Variants in DNAJC13 observed in about 807,000 individuals in gnomAD.
DNAJC13 encodes DnaJ heat shock protein family (Hsp40) member C13.
DNAJC13 carries 75 observed loss-of-function variants against 290.5 expected under a neutral mutation model. The ratio of observed to expected loss-of-function variants is 0.26; its 90% CI spans 0.21 to 0.31. DNAJC13 has a LOEUF of 0.31. Ranked by LOEUF, DNAJC13 falls within the 10% of genes least tolerant of loss-of-function variation. The pLI is 1.00. For synonymous variants in DNAJC13, 862 were observed against 892.0 expected (o/e 0.97, Z 0.60); for missense variants, 2,260 against 2,674.5 (o/e 0.85, Z 3.42).
intron 5 of DNAJC13, among the ~76,000 whole-genome samples, chr3:132,448,262 A>T (rs1933317170): frequency 6.6e-6 from 1 of 152,194 alleles, no homozygotes; most frequent in South Asian, 2.1e-4. Flanking sequence ...TACTGCTGAT[A>T]GTGCATGTTG....
Position 132,456,291 on chromosome 3 carries a change from T to A in DNAJC13, c.989T>A (p.Val330Asp). 6.2e-7 allele frequency: 1 copy of A among 1,613,968 alleles called. No homozygotes were observed. Among genetic ancestry groups the A allele is most frequent in the Non-Finnish European group, 8.5e-7 (1 of 1,179,884 alleles). The change falls in exon 10 of 56, where the codon GTT becomes GAT. Residue 330 changes from valine (V) to aspartate (D), a missense_variant. This residue lies in a region of DNAJC13 where 762 missense variants were observed against 964.1 expected (regional missense o/e 0.79). Coordinates refer to ENST00000260818, the MANE Select transcript of DNAJC13 (RefSeq NM_015268.4). ...GTAAGAGCCTCTGGTAATAGAGATG[T>A]TTGTGTAAAAATGACACCAACCCAT... ...DGVRASGNRD[V>D]CVKMTPTHKG...
chr3:132,474,304 G>C (rs1934388900), intron 21 of DNAJC13: 1 of 152,112 alleles, frequency 6.6e-6, no homozygotes, highest in Admixed American at 6.5e-5. Flanking sequence ...GCAATGGCGT[G>C]ATTTTGGCTC....
intron 3 of DNAJC13, 86 bp downstream of exon 3, chr3:132,446,636 T>A (rs1274104370): frequency 2.4e-6 from 2 of 821,994 alleles, no homozygotes; most frequent in African/African-American, 3.5e-5. Context: ...CTCCCTTAAA[T>A]CAGTACTTGA....
At chr3:132,482,465 C>A in intron 27 of DNAJC13, 135 bp downstream of exon 27, 1 of 592,020 alleles carries the variant, frequency 1.7e-6, no homozygotes, top group Non-Finnish European at 2.9e-6. Flanking sequence ...CCCTGCAACT[C>A]AGTTTCCACA....
chr3:132,481,173 CCCAGAAGT>C (rs1934660560), intron 26 of DNAJC13, among the ~76,000 whole-genome samples: 1 of 152,146 alleles, frequency 6.6e-6, no homozygotes, highest in Non-Finnish European at 1.5e-5. Context: ...AGAGTTAAGA[CCCAGAAGT>C]CTATATGCTC....
chr3:132,516,288 C>A, intron 46 of DNAJC13, 134 bp from the exon 47 acceptor site: 1 of 803,636 alleles, frequency 1.2e-6, no homozygotes, highest in Non-Finnish European at 2.0e-6. Context: ...AAATACCTGT[C>A]TCACTGGTTA....
intron 45 of DNAJC13, among the ~76,000 whole-genome samples, chr3:132,513,899 T>C (rs1576513220): frequency 6.6e-6 from 1 of 152,158 alleles, no homozygotes; most frequent in East Asian, 1.9e-4. Flanking sequence ...GGTATATAGA[T>C]GGTTTATGAA....
rs530200634 is a variant in DNAJC13 at position 132,466,414 on chromosome 3, G to C, written c.2064+20G>C. ...GCAATGGTAAATATGACTGTCCCAA[G>C]TGTGCCTTTTTTAGGAGTAAGGGTA... On this transcript the variant is annotated intron_variant, in intron 19 of 55. Coordinates refer to ENST00000260818, the MANE Select transcript of DNAJC13 (RefSeq NM_015268.4). 1.9e-6 allele frequency: 3 copies of C among 1,556,164 alleles called. No homozygotes were observed. In the African/African-American group the frequency reaches 4.1e-5, roughly 21 times the overall value.
intron 2 of DNAJC13, among the ~76,000 whole-genome samples, chr3:132,443,997 C>G (rs1933162096): frequency 6.6e-6 from 1 of 152,134 alleles, no homozygotes; most frequent in Non-Finnish European, 1.5e-5. Context: ...TCAATAGGTA[C>G]ACTTTGCTCA....
rs1429419648 is a variant in DNAJC13 at position 132,490,937 on chromosome 3, A to C, written c.3509A>C (p.His1170Pro). ...QDIFQRSILG[H>P]ILPEAMVCYL... ...ATTTTTCAGAGAAGTATACTTGGGC[A>C]CATTCTACCTGAAGCAATGGTTTGT... The change falls in exon 32 of 56, where the codon CAC (histidine) becomes CCC (proline). Residue 1170 changes from histidine to proline, a missense_variant. Physicochemically the swap from His to Pro is moderately conservative, Grantham distance 77. Around this residue, in one of 3 missense-constraint regions of DNAJC13, gnomAD observed 1,494 missense variants for 1,693.7 expected, o/e 0.88. Coordinates refer to ENST00000260818, the MANE Select transcript of DNAJC13 (RefSeq NM_015268.4). The C allele has an allele frequency of 6.2e-7, 1 of 1,610,422 alleles. No homozygotes were observed. The highest frequency in any genetic ancestry group is 8.5e-7 in the Non-Finnish European group (1 of 1,178,780).
chr3:132,536,136 T>C (rs192337139), intron 55 of DNAJC13, among the ~76,000 whole-genome samples: 4 of 152,326 alleles, frequency 2.6e-5, no homozygotes, highest in East Asian at 3.9e-4. Flanking sequence ...TAATTTAGTT[T>C]ATGAAGTAAT....
chr3:132,432,209 T>C (rs573156355), intron 1 of DNAJC13, among the ~76,000 whole-genome samples: 16 of 151,892 alleles, frequency 1.1e-4, no homozygotes, highest in African/African-American at 3.9e-4. Context: ...TTTGTTTTTG[T>C]TTTTTTGGGG....
At chr3:132,515,985 T>C (rs1156367746) in intron 46 of DNAJC13, among the ~76,000 whole-genome samples, 2 of 152,222 alleles carry the variant, frequency 1.3e-5, no homozygotes, top group Admixed American at 1.3e-4. Flanking sequence ...GATGCAATTA[T>C]GTCTTAGAAT....
In DNAJC13 at chr3:132,489,005, C is replaced by G. The variant is rs754880650; in HGVS notation, c.3452C>G (p.Ala1151Gly). 1.2e-5 allele frequency: 19 copies of G among 1,610,496 alleles called. No homozygotes were observed. Among genetic ancestry groups the G allele is most frequent in the Non-Finnish European group, 1.5e-5 (18 of 1,177,298 alleles). ...RFLKYTHTKQ[A>G]FKSEETKGQD... is the part of the protein sequence containing the mutation. ...TTGAAATACACACATACCAAACAGG[C>G]TTTCAAGTCAGAAGAGGTAAGCCAG... Residue 1151 changes from alanine (A) to glycine (G), a missense_variant, in exon 31 of 56, where the codon GCT (alanine) becomes GGT (glycine). Coordinates refer to ENST00000260818, the MANE Select transcript of DNAJC13 (RefSeq NM_015268.4).
chr3:132,533,971 C>T (rs1162872703), intron 55 of DNAJC13, among the ~76,000 whole-genome samples: 1 of 152,128 alleles, frequency 6.6e-6, no homozygotes, highest in Non-Finnish European at 1.5e-5. Context: ...CTGTGCCTTT[C>T]CTTTTACTTG....
chr3:132,470,596 G>T (rs1934174748), intron 20 of DNAJC13, among the ~76,000 whole-genome samples: 3 of 143,270 alleles, frequency 2.1e-5, no homozygotes, highest in South Asian at 4.5e-4. Flanking sequence ...CCCGGACGGG[G>T]CGGCTGGCCG....
At position 132,496,641 on chromosome 3, in the gene DNAJC13, C is replaced by T; in HGVS notation, c.4134C>T (p.Ile1378=). 1 of 1,609,256 alleles carries T rather than the reference C, an allele frequency of 6.2e-7. No individual in the cohort carries two copies. The highest frequency in any genetic ancestry group is 2.2e-5 in the East Asian group (1 of 44,660). The stretch of plus-strand genomic sequence containing the variant: ...TTTTAATTCTAAAAACACAGAGCAT[C>T]CTCTTCAACCGTCATAAAGAAGGTA... ...NIILILKTQS[I]LFNRHKEDLQ... Residue 1378 remains isoleucine, a synonymous_variant, in exon 36 of 56, where the codon ATC becomes ATT. Transcript: ENST00000260818.
At chr3:132,499,666 C>G (rs1576502607) in intron 37 of DNAJC13, 68 bp from the exon 38 acceptor site, 2 of 1,274,622 alleles carry the variant, frequency 1.6e-6, no homozygotes, top group Non-Finnish European at 2.3e-6. Flanking sequence ...TATTTTATTA[C>G]TGCTAGAAAA....
chr3:132,504,775 A>C (rs1282844598), intron 41 of DNAJC13, among the ~76,000 whole-genome samples: 1 of 152,346 alleles, frequency 6.6e-6, no homozygotes, highest in South Asian at 2.1e-4. Flanking sequence ...ATGCCTAAGC[A>C]GTCATAATCT....
Sources: allele counts gnomAD v4.1 joint callset (sites outside exome capture counted in the v4.1 genomes callset), GRCh38; gene constraint gnomAD v4.1.1; regional missense constraint gnomAD v4.1.1; transcripts MANE v1.5; gene names NCBI Gene and HGNC (gene_info 2026-07-23, HGNC 2026-07-21).